The following GABBR2 variants were observed in gnomAD, a reference collection of about 807,000 sequenced individuals.
The protein encoded by GABBR2 is gamma-aminobutyric acid type B receptor subunit 2.
In GABBR2, 23 loss-of-function variants were observed where a neutral mutation model predicts 105.6. The observed-to-expected ratio is 0.22, with a 90% CI of 0.16 to 0.31. The LOEUF (loss-of-function observed/expected upper bound fraction) is 0.31. Ranked by LOEUF, GABBR2 falls within the 10% of genes least tolerant of loss-of-function variation. The pLI is 1.00. For synonymous variants in GABBR2, 478 were observed against 499.7 expected, an observed-to-expected ratio of 0.96 and a Z score of 0.58; for missense variants, 734 against 1,245.5, an observed-to-expected ratio of 0.59 and a Z score of 6.18.
At chr9:98,325,020 A>C (rs1245112012) in intron 13 of GABBR2, among the ~76,000 whole-genome samples, 3 of 152,158 alleles carry the variant, frequency 2.0e-5, no homozygotes, top group Non-Finnish European at 4.4e-5. Context: ...TTCGGGCTTG[A>C]AGAGACTCAA....
At chr9:98,504,823 C>T (rs1014625073) in intron 3 of GABBR2, among the ~76,000 whole-genome samples, 1 of 152,174 alleles carries the variant, frequency 6.6e-6, no homozygotes. Flanking sequence ...AGCTAAGATG[C>T]TAATTAGGAT....
chr9:98,637,188 C>T (rs1564137452), intron 1 of GABBR2, among the ~76,000 whole-genome samples: 1 of 152,138 alleles, frequency 6.6e-6, no homozygotes, highest in Non-Finnish European at 1.5e-5. Context: ...AAATCTAATC[C>T]TTCTGTGACA....
Position 98,293,809 on chromosome 9 carries a change from A to G in GABBR2, c.2636T>C (p.Ile879Thr), listed in dbSNP as rs992384149. The part of the protein sequence containing the change: ...TEPSRTCKDP[I>T]EDINSPEHIQ... ...CTGTTCTGGAGAGTTTATATCTTCT[A>G]TAGGATCTTTGCATGTTCGAGAGGG... The change falls in exon 18 of 19, where the codon ATA becomes ACA. Residue 879 changes from isoleucine (I) to threonine (T), a missense_variant. Ile to Thr is a moderately conservative substitution (Grantham distance 89). This residue lies in a region of GABBR2 where 134 missense variants were observed against 171.2 expected (regional missense o/e 0.78). Transcript: ENST00000259455. The G allele has an allele frequency of 2.5e-6, 4 of 1,591,572 alleles. No homozygotes were observed. Among genetic ancestry groups the G allele is most frequent in the South Asian group, 1.1e-5 (1 of 90,618 alleles).
intron 12 of GABBR2, among the ~76,000 whole-genome samples, chr9:98,366,975 T>C (rs910443898): frequency 2.6e-5 from 4 of 152,136 alleles, no homozygotes; most frequent in Non-Finnish European, 5.9e-5. Flanking sequence ...ATAAAGACTG[T>C]AATAAAACTC....
At chr9:98,400,659 C>T (rs1315415194) in intron 8 of GABBR2, among the ~76,000 whole-genome samples, 2 of 152,162 alleles carry the variant, frequency 1.3e-5, no homozygotes, top group Admixed American at 1.3e-4. Flanking sequence ...GTGATGGATG[C>T]ACCCCACCAT....
intron 6 of GABBR2, among the ~76,000 whole-genome samples, chr9:98,466,642 A>G (rs866262594): frequency 4.9e-4 from 75 of 152,354 alleles, no homozygotes; most frequent in African/African-American, 1.8e-3. Flanking sequence ...GTATAACCTC[A>G]TCTAATCCTT....
intron 11 of GABBR2, among the ~76,000 whole-genome samples, chr9:98,380,097 A>G (rs1360486954): frequency 6.6e-6 from 1 of 152,178 alleles, no homozygotes; most frequent in East Asian, 1.9e-4. Flanking sequence ...GCTGCCTAGC[A>G]GTGTGTGACA....
chr9:98,647,369 A>G (rs1406046395), intron 1 of GABBR2, among the ~76,000 whole-genome samples: 1 of 152,176 alleles, frequency 6.6e-6, no homozygotes, highest in Admixed American at 6.5e-5. Context: ...TCTGCTCCAC[A>G]TTCTCCTCCA....
intron 11 of GABBR2, among the ~76,000 whole-genome samples, chr9:98,373,979 T>C (rs1831830254): frequency 6.7e-6 from 1 of 150,114 alleles, no homozygotes; most frequent in Non-Finnish European, 1.5e-5. Flanking sequence ...CACCTCAGTC[T>C]CCTGAGTATC....
intron 1 of GABBR2, among the ~76,000 whole-genome samples, chr9:98,673,802 G>A (rs1313395816): frequency 1.3e-5 from 2 of 152,128 alleles, no homozygotes; most frequent in Non-Finnish European, 2.9e-5. Context: ...TTCCTATAAA[G>A]CACTGTTCGA....
intron 7 of GABBR2, 54 bp from the exon 8 acceptor site, chr9:98,406,195 G>T (rs1832486685): frequency 2.0e-6 from 2 of 998,850 alleles, no homozygotes; most frequent in Non-Finnish European, 3.0e-6. Flanking sequence ...TGCCACATTA[G>T]CCCAAACGCC....
intron 1 of GABBR2, among the ~76,000 whole-genome samples, chr9:98,584,957 T>C (rs1829048105): frequency 1.3e-5 from 2 of 152,178 alleles, no homozygotes; most frequent in Non-Finnish European, 2.9e-5. Flanking sequence ...TTCCTATCAT[T>C]GGCCTGGAAA....
chr9:98,584,193 A>G (rs999093150), intron 1 of GABBR2, among the ~76,000 whole-genome samples: 2 of 151,286 alleles, frequency 1.3e-5, no homozygotes, highest in Non-Finnish European at 2.9e-5. Flanking sequence ...ACTGGTTGGC[A>G]TGGCCACAAC....
At chr9:98,357,093 A>G (rs1332246264) in intron 13 of GABBR2, among the ~76,000 whole-genome samples, 1 of 152,228 alleles carries the variant, frequency 6.6e-6, no homozygotes, top group Non-Finnish European at 1.5e-5. Context: ...TGTAATGGTG[A>G]CTACATGACA....
intron 8 of GABBR2, among the ~76,000 whole-genome samples, chr9:98,395,782 T>C (rs1352937535): frequency 6.6e-6 from 1 of 151,062 alleles, no homozygotes; most frequent in African/African-American, 2.4e-5. Flanking sequence ...AAGGTTGTGG[T>C]TAGAAGGATG....
Position 98,289,711 on chromosome 9 carries a change from G to GTGTT in GABBR2, c.*869_*872dup, listed in dbSNP as rs993454142. On this transcript the variant is annotated 3_prime_UTR_variant, in exon 19 of 19. Coordinates refer to ENST00000259455, the MANE Select transcript of GABBR2 (RefSeq NM_005458.8). ...TTAAAGTGCACAATCTTTCTTTATC[G>GTGTT]TGTTTGCTGGGAACAGACATTCCAT... 1 of 152,434 alleles carries GTGTT rather than the reference G, an allele frequency of 6.6e-6. No individual in the cohort carries two copies. Among genetic ancestry groups the GTGTT allele is most frequent in the Non-Finnish European group, 1.5e-5 (1 of 68,016 alleles). The allele number at this position is 152,434 out of a possible 1,614,324, so 9.4% of individuals were successfully genotyped here.
chr9:98,658,286 C>T (rs1265449205), intron 1 of GABBR2, among the ~76,000 whole-genome samples: 1 of 152,170 alleles, frequency 6.6e-6, no homozygotes, highest in Non-Finnish European at 1.5e-5. Flanking sequence ...GCCTGGGCCC[C>T]ACCTCCAGAA....
At chr9:98,391,488 C>A (rs1022205923) in intron 9 of GABBR2, among the ~76,000 whole-genome samples, 2 of 152,164 alleles carry the variant, frequency 1.3e-5, no homozygotes, top group Non-Finnish European at 2.9e-5. Flanking sequence ...GATGTGATAA[C>A]ATCAGACAGG....
chr9:98,334,787 A>G (rs1034471907), intron 13 of GABBR2, among the ~76,000 whole-genome samples: 1 of 152,196 alleles, frequency 6.6e-6, no homozygotes, highest in African/African-American at 2.4e-5. Context: ...GGCATGTTAA[A>G]TGTTTCATCC....
Sources: gnomAD v4.1 joint callset for allele counts (sites outside exome capture counted in the v4.1 genomes callset) on GRCh38, gnomAD v4.1.1 for gene constraint, gnomAD v4.1.1 regional missense constraint, MANE v1.5 for transcripts, NCBI Gene and HGNC (gene_info 2026-07-23, HGNC 2026-07-21) for gene names.